TENM1: variants seen among roughly 807,000 people sequenced by gnomAD.
TENM1 encodes teneurin transmembrane protein 1.
A neutral mutation model predicts 174.8 loss-of-function variants in TENM1; 35 were observed. The ratio of observed to expected loss-of-function variants is 0.20; its 90% CI spans 0.15 to 0.27. The LOEUF (loss-of-function observed/expected upper bound fraction) is 0.27. Among genes scored for constraint, TENM1 ranks in the 10% least tolerant of loss-of-function variants. TENM1 has a pLI of 1.00. For synonymous variants in TENM1, 781 were observed against 798.7 expected, an observed-to-expected ratio of 0.98 and a Z score of 0.37; for missense variants, 1,633 against 2,130.1, an observed-to-expected ratio of 0.77 and a Z score of 4.59.
intron 1 of TENM1, among the ~76,000 whole-genome samples, chrX:124,951,673 T>TATATATATATATATATATATATATAA (rs767583231): frequency 7.6e-5 from 5 of 66,090 alleles, no homozygotes; most frequent in South Asian, 9.9e-4. Context: ...TATATATATA[T>TATATATATATATATATATATATATAA]AACAATCAAT....
At chrX:125,138,300 T>C in the TENM1 span, among the ~76,000 whole-genome samples, 2 of 110,464 alleles carry the variant, frequency 1.8e-5, no homozygotes, top group African/African-American at 3.3e-5. Context: ...GATTAGTAAG[T>C]ATTTTTCCCA....
At chrX:124,966,428 C>T (rs192669283), upstream of TENM1, among the ~76,000 whole-genome samples, 5 of 111,031 alleles carry the variant, frequency 4.5e-5, no homozygotes, top group East Asian at 1.4e-3. Flanking sequence ...TTTGGGAGGC[C>T]GAGGCGGGCG....
intron 22 of TENM1, among the ~76,000 whole-genome samples, chrX:124,456,539 C>T (rs951010206): frequency 9.0e-6 from 1 of 111,528 alleles, no homozygotes. Flanking sequence ...AAATTGGAAA[C>T]CCCAGGCATG....
chrX:124,828,912 G>A lies in TENM1; in HGVS notation c.535+65384C>T, dbSNP rs192827076. 1.8e-3 allele frequency among the ~76,000 whole-genome samples: 201 copies of A among 112,146 alleles called. 1 individual carries two copies. The highest frequency in any genetic ancestry group is 6.4e-3 in the African/African-American group (197 of 30,904). ...CTATATTTATATGTTCTTTGGAAAC[G>A]ATATTGATGATTAGAGTATATTTCC... On this transcript the variant is annotated intron_variant, in intron 3 of 31. Transcript: ENST00000422452.
intron 3 of TENM1, among the ~76,000 whole-genome samples, chrX:124,852,115 G>GA (rs765314256): frequency 1.8e-5 from 2 of 111,078 alleles, no homozygotes; most frequent in Admixed American, 1.9e-4. Context: ...TGTAGTTGGA[G>GA]AAAAATGAAT....
the TENM1 span, among the ~76,000 whole-genome samples, chrX:125,018,760 A>G: frequency 3.7e-4 from 41 of 111,457 alleles, no homozygotes; most frequent in African/African-American, 1.3e-3. Context: ...CTTTATAAAG[A>G]ATTACTTGAG....
intron 1 of TENM1, among the ~76,000 whole-genome samples, chrX:124,927,031 C>T (rs2058101643): frequency 1.8e-5 from 2 of 111,850 alleles, no homozygotes; most frequent in Admixed American, 9.5e-5. Flanking sequence ...TAAATCATAA[C>T]GACAACAATT....
chrX:124,815,487 C>A (rs954130491), intron 3 of TENM1, among the ~76,000 whole-genome samples: 2 of 111,336 alleles, frequency 1.8e-5, no homozygotes, highest in Non-Finnish European at 3.8e-5. Flanking sequence ...TTTTAATGTT[C>A]TAATTGGGAC....
At chrX:124,657,062 A>G (rs1470480813) in intron 6 of TENM1, among the ~76,000 whole-genome samples, 3 of 112,171 alleles carry the variant, frequency 2.7e-5, no homozygotes, top group African/African-American at 6.5e-5. Flanking sequence ...AATTGTAAAC[A>G]GCAGAGATAG....
chrX:125,142,758 C>T, the TENM1 span, among the ~76,000 whole-genome samples: 2,878 of 110,810 alleles, frequency 0.026, 252 homozygotes, highest in Admixed American at 0.24. Flanking sequence ...TAAGATGGGC[C>T]ATCTGAAAAT....
At chrX:124,622,015 G>A (rs1454032621) in intron 11 of TENM1, among the ~76,000 whole-genome samples, 2 of 111,741 alleles carry the variant, frequency 1.8e-5, no homozygotes, top group African/African-American at 6.5e-5. Context: ...GTCCTACTAA[G>A]TTTTGGGTTA....
At chrX:124,382,022 A>G (rs755595483) in intron 31 of TENM1, among the ~76,000 whole-genome samples, 4 of 111,377 alleles carry the variant, frequency 3.6e-5, no homozygotes, top group African/African-American at 9.8e-5. Context: ...TCAAGGCCTC[A>G]CACCCAAATT....
chrX:124,901,098 T>C (rs750470029), intron 1 of TENM1, among the ~76,000 whole-genome samples: 1 of 111,495 alleles, frequency 9.0e-6, no homozygotes, highest in South Asian at 3.8e-4. Flanking sequence ...GACTGATGCA[T>C]GATTTCTCAG....
chrX:125,076,320 G>A, the TENM1 span, among the ~76,000 whole-genome samples: 12 of 109,361 alleles, frequency 1.1e-4, no homozygotes, highest in Non-Finnish European at 2.1e-4. Context: ...AGATATTAAT[G>A]TAAATATATT....
intron 3 of TENM1, among the ~76,000 whole-genome samples, chrX:124,773,252 AT>A (rs1034525485): frequency 9.1e-6 from 1 of 110,048 alleles, no homozygotes; most frequent in Admixed American, 9.8e-5. Context: ...ATGTATCAAG[AT>A]TTTTTTTTCT....
the TENM1 span, among the ~76,000 whole-genome samples, chrX:125,124,275 A>C: frequency 8.9e-6 from 1 of 112,493 alleles, no homozygotes; most frequent in Non-Finnish European, 1.9e-5. Context: ...CAATTAGTGT[A>C]AAAAATACAC....
chrX:124,528,676 TAC>T lies in TENM1; in HGVS notation c.2771+1186_2771+1187del, dbSNP rs199604791. Among the ~76,000 whole-genome samples, 661 of 109,977 alleles carry T rather than the reference TAC, an allele frequency of 6.0e-3. 3 individuals are homozygous for T. The highest frequency in any genetic ancestry group is 0.02 in the African/African-American group (617 of 30,203). On this transcript the variant is annotated intron_variant, in intron 16 of 31. Transcript: ENST00000422452. ...AAATGAAGTTTTATATATATATATA[TAC>T]ACACACATATATATGTGCATATATA...
At chrX:125,192,036 A>C in the TENM1 span, among the ~76,000 whole-genome samples, 1 of 111,234 alleles carries the variant, frequency 9.0e-6, no homozygotes, top group African/African-American at 3.3e-5. Flanking sequence ...TCTTGGAAGC[A>C]GAAGGAGTAA....
chrX:124,965,746 G>A (rs1036908856), upstream of TENM1, among the ~76,000 whole-genome samples: 10 of 110,334 alleles, frequency 9.1e-5, no homozygotes, highest in South Asian at 3.9e-4. Flanking sequence ...CTAATCTCAC[G>A]CCAGTATATT....
Sources: allele counts gnomAD v4.1 joint callset (sites outside exome capture counted in the v4.1 genomes callset), GRCh38; gene constraint gnomAD v4.1.1; transcripts MANE v1.5; gene names NCBI Gene and HGNC (gene_info 2026-07-23, HGNC 2026-07-21).